Variants in FGF14 observed in about 807,000 individuals in gnomAD.
The protein encoded by FGF14 is fibroblast growth factor 14, also known as fibroblast growth factor homologous factor 4.
Under a neutral mutation model 25.5 loss-of-function variants are expected in FGF14, and 5 were observed. The observed-to-expected ratio is 0.20, with a 90% CI of 0.10 to 0.41. FGF14 has a LOEUF of 0.41. Ranked by LOEUF, FGF14 falls within the 10% of genes least tolerant of loss-of-function variation. FGF14 has a pLI of 1.00. For missense variants in FGF14, 222 were observed against 320.1 expected, an observed-to-expected ratio of 0.69 and a Z score of 2.34; for synonymous variants, 138 against 118.3, an observed-to-expected ratio of 1.17 and a Z score of -1.08.
intron 1 of FGF14, among the ~76,000 whole-genome samples, chr13:102,155,928 C>T (rs1397492228): frequency 5.9e-5 from 9 of 152,000 alleles, no homozygotes; most frequent in South Asian, 2.1e-4. Flanking sequence ...ATACATTCCT[C>T]GACACATACA....
At chr13:102,208,952 C>T (rs2050052561) in intron 1 of FGF14, among the ~76,000 whole-genome samples, 1 of 152,226 alleles carries the variant, frequency 6.6e-6, no homozygotes, top group South Asian at 2.1e-4. Context: ...TGATTCTTTT[C>T]ACTCCCTCCA....
At chr13:101,749,236 A>G (rs951657394) in intron 3 of FGF14, among the ~76,000 whole-genome samples, 3 of 152,120 alleles carry the variant, frequency 2.0e-5, no homozygotes, top group Non-Finnish European at 2.9e-5. Flanking sequence ...ATGGACAGCC[A>G]TATAAATATA....
At chr13:102,155,465 G>A (rs2047286953) in intron 1 of FGF14, among the ~76,000 whole-genome samples, 1 of 152,000 alleles carries the variant, frequency 6.6e-6, no homozygotes, top group African/African-American at 2.4e-5. Flanking sequence ...TGAAACCAAT[G>A]AGAACAAAGA....
chr13:101,968,844 C>T (rs1481289021), intron 1 of FGF14, among the ~76,000 whole-genome samples: 5 of 144,738 alleles, frequency 3.5e-5, no homozygotes, highest in African/African-American at 5.0e-5. Context: ...TCATGCATTC[C>T]ATCAACAGCC....
chr13:102,175,561 A>G (rs2048413206), intron 1 of FGF14, among the ~76,000 whole-genome samples: 1 of 152,138 alleles, frequency 6.6e-6, no homozygotes, highest in South Asian at 2.1e-4. Context: ...GTTAACAAAA[A>G]CAAAAATCGA....
chr13:101,714,704 C>G lies in FGF14; in HGVS notation c.*8127G>C. 1.6e-6 allele frequency: 1 copy of G among 609,492 alleles called. No individual in the cohort carries two copies. The highest frequency in any genetic ancestry group is 2.9e-6 in the Non-Finnish European group (1 of 339,248). 37.8% of individuals were successfully genotyped at this position (609,492 alleles called of 1,614,324 possible). On this transcript the variant is annotated 3_prime_UTR_variant, in exon 5 of 5. Transcript: ENST00000376143. ...GGCGAAGTGGGCATTTGGGAAAAAGCCCTCACAAAAGCCTCACATTATTCC... is the reference window on the plus strand; with the variant it reads ...GGCGAAGTGGGCATTTGGGAAAAAGGCCTCACAAAAGCCTCACATTATTCC...
chr13:102,306,275 G>A (rs2055372399), intron 1 of FGF14, among the ~76,000 whole-genome samples: 1 of 152,156 alleles, frequency 6.6e-6, no homozygotes, highest in South Asian at 2.1e-4. Flanking sequence ...ACCAGGCACT[G>A]TATTTGGTGC....
chr13:102,364,708 T>C (rs1328692380), intron 1 of FGF14, among the ~76,000 whole-genome samples: 2 of 152,158 alleles, frequency 1.3e-5, no homozygotes, highest in Non-Finnish European at 2.9e-5. Flanking sequence ...ACAAAAGGCA[T>C]CCACCCTTCA....
intron 1 of FGF14, among the ~76,000 whole-genome samples, chr13:102,106,336 C>T (rs1418599204): frequency 2.6e-5 from 4 of 151,810 alleles, no homozygotes; most frequent in African/African-American, 7.3e-5. Context: ...TTTGGGAGGC[C>T]GAGGTGGGTG....
chr13:102,160,258 C>T (rs1195339543), intron 1 of FGF14, among the ~76,000 whole-genome samples: 2 of 152,180 alleles, frequency 1.3e-5, no homozygotes, highest in African/African-American at 4.8e-5. Flanking sequence ...ATTCTGCCTC[C>T]TGTGGCCCAT....
intron 1 of FGF14, among the ~76,000 whole-genome samples, chr13:102,135,041 AC>A (rs2046351269): frequency 6.6e-6 from 1 of 151,674 alleles, no homozygotes; most frequent in African/African-American, 2.4e-5. Flanking sequence ...ACACACACAC[AC>A]ACACACACAC....
intron 1 of FGF14, among the ~76,000 whole-genome samples, chr13:101,935,283 A>T (rs887705123): frequency 6.6e-6 from 1 of 152,252 alleles, no homozygotes; most frequent in Non-Finnish European, 1.5e-5. Flanking sequence ...CCTAGAATCC[A>T]CTGTTGAGTC....
At chr13:101,985,026 T>C (rs1566534023) in intron 1 of FGF14, among the ~76,000 whole-genome samples, 1 of 151,038 alleles carries the variant, frequency 6.6e-6, no homozygotes, top group Non-Finnish European at 1.5e-5. Context: ...TAAAACCATA[T>C]AGATTGTCAT....
At chr13:102,032,713 T>C (rs1225308179) in intron 1 of FGF14, among the ~76,000 whole-genome samples, 3 of 152,122 alleles carry the variant, frequency 2.0e-5, no homozygotes. Flanking sequence ...CACTGGCTTT[T>C]TGCTCCTCTT....
At chr13:102,098,350 C>T (rs978621383) in intron 1 of FGF14, among the ~76,000 whole-genome samples, 20 of 152,284 alleles carry the variant, frequency 1.3e-4, no homozygotes, top group African/African-American at 4.1e-4. Flanking sequence ...AATACCTAGA[C>T]GATCTCTTAA....
At chr13:102,195,854 G>A (rs2049327242) in intron 1 of FGF14, among the ~76,000 whole-genome samples, 1 of 150,716 alleles carries the variant, frequency 6.6e-6, no homozygotes. Context: ...GTGGCAAAAT[G>A]GCAGATGTAA....
chr13:101,793,415 G>T (rs139275333), intron 3 of FGF14, among the ~76,000 whole-genome samples: 69 of 152,146 alleles, frequency 4.5e-4, no homozygotes, highest in African/African-American at 1.6e-3. Flanking sequence ...TCTTCCCTTT[G>T]TAAGGCTGAA....
At chr13:102,310,242 C>T (rs1002469695) in intron 1 of FGF14, among the ~76,000 whole-genome samples, 1 of 152,188 alleles carries the variant, frequency 6.6e-6, no homozygotes, top group Non-Finnish European at 1.5e-5. Flanking sequence ...CTCTTGCCCT[C>T]TTTGGTCTTG....
At chr13:102,171,892 GT>G (rs11354485) in intron 1 of FGF14, among the ~76,000 whole-genome samples, 78,016 of 145,702 alleles carry the variant, frequency 0.54, 21,092 homozygotes, top group Middle Eastern at 0.65. Flanking sequence ...AATATTCTAG[GT>G]TTTTTTTTTT....
Sources: gnomAD v4.1 joint callset for allele counts (sites outside exome capture counted in the v4.1 genomes callset) on GRCh38, gnomAD v4.1.1 for gene constraint, MANE v1.5 for transcripts, NCBI Gene and HGNC (gene_info 2026-07-23, HGNC 2026-07-21) for gene names.